Variants in LRRFIP1 observed in about 807,000 individuals in gnomAD.
The protein encoded by LRRFIP1 is leucine-rich repeat flightless-interacting protein 1.
A neutral mutation model predicts 104.4 loss-of-function variants in LRRFIP1; 62 were observed. That is an observed-to-expected ratio of 0.59 (90% CI 0.48 to 0.73). The LOEUF is 0.73. LRRFIP1 is among the 30% of genes least tolerant of loss of function. The pLI is 0.00. For missense variants in LRRFIP1, 796 were observed against 824.5 expected (o/e 0.97, Z 0.42); for synonymous variants, 300 against 299.0 (o/e 1.00, Z -0.03).
intron 1 of LRRFIP1, among the ~76,000 whole-genome samples, chr2:237,647,500 C>G (rs2085118575): frequency 6.6e-6 from 1 of 152,068 alleles, no homozygotes; most frequent in South Asian, 2.1e-4. Context: ...GAGGGTGTCC[C>G]TTCCCTCAGA....
chr2:237,630,873 G>A (rs552000929), intron 1 of LRRFIP1, among the ~76,000 whole-genome samples: 3 of 152,324 alleles, frequency 2.0e-5, no homozygotes, highest in South Asian at 4.1e-4. Context: ...TGGCTTTCCC[G>A]GGCTGCCACT....
chr2:237,682,343 CTG>C (rs751424540), intron 1 of LRRFIP1, among the ~76,000 whole-genome samples: 2 of 152,234 alleles, frequency 1.3e-5, no homozygotes, highest in East Asian at 3.8e-4. Flanking sequence ...TGTCTGCTGG[CTG>C]TCTCTCTCCC....
At chr2:237,747,596 C>T (rs993173019) in intron 11 of LRRFIP1, among the ~76,000 whole-genome samples, 4 of 152,188 alleles carry the variant, frequency 2.6e-5, no homozygotes, top group East Asian at 3.9e-4. Context: ...GAGCTCACAA[C>T]GGTGACTGCA....
intron 10 of LRRFIP1, among the ~76,000 whole-genome samples, chr2:237,738,719 C>G (rs2095328186): frequency 6.6e-6 from 1 of 152,206 alleles, no homozygotes; most frequent in African/African-American, 2.4e-5. Flanking sequence ...AGCAACCACC[C>G]AGGTAGAAGG....
At chr2:237,694,512 A>G (rs980635258) in intron 1 of LRRFIP1, among the ~76,000 whole-genome samples, 1 of 152,202 alleles carries the variant, frequency 6.6e-6, no homozygotes, top group African/African-American at 2.4e-5. Flanking sequence ...GCCCTGGGCC[A>G]TGGGCTGGGT....
rs74001227 is a variant in LRRFIP1, at chr2:237,662,285, T to A, written c.96+34545T>A. On this transcript the variant is annotated intron_variant, in intron 1 of 23. Coordinates refer to ENST00000308482, the MANE Select transcript of LRRFIP1 (RefSeq NM_001137550.2). ...GTCATTGAATGAGGGCCCACCCTAA[T>A]CTAGTACGACCTCATCTTAACTTGA... 9.2e-3 allele frequency among the ~76,000 whole-genome samples: 1,399 copies of A among 152,290 alleles called. 14 individuals carry two copies. Among genetic ancestry groups the A allele is most frequent in the African/African-American group, 0.032 (1,324 of 41,550 alleles).
intron 1 of LRRFIP1, among the ~76,000 whole-genome samples, chr2:237,651,247 A>C (rs889852712): frequency 2.6e-5 from 4 of 152,126 alleles, no homozygotes; most frequent in Non-Finnish European, 5.9e-5. Context: ...GTCTTTGCTC[A>C]CAGTATTTTG....
intron 1 of LRRFIP1, among the ~76,000 whole-genome samples, chr2:237,660,661 T>C (rs553967045): frequency 6.6e-6 from 1 of 152,324 alleles, no homozygotes; most frequent in South Asian, 2.1e-4. Flanking sequence ...CAGAAAAATG[T>C]GGAAACAAAC....
intron 1 of LRRFIP1, among the ~76,000 whole-genome samples, chr2:237,647,894 A>C (rs550824947): frequency 5.2e-4 from 79 of 152,202 alleles, no homozygotes; most frequent in Non-Finnish European, 9.0e-4. Context: ...TTCCATGAGA[A>C]GTGGAGGCTG....
chr2:237,721,076 C>T lies in LRRFIP1; in HGVS notation c.345+254C>T, dbSNP rs575660862. On this transcript the variant is annotated intron_variant, in intron 6 of 23. Coordinates refer to ENST00000308482, the MANE Select transcript of LRRFIP1 (RefSeq NM_001137550.2). ...AAGTCATCTTTTTTTCAATACTTAT[C>T]CACATCACAAAGCTCCCAAGCCTTG... The T allele has an allele frequency of 9.6e-4, 424 of 442,614 alleles. 8 individuals are homozygous for T. The South Asian group carries it at 0.011, about 12-fold the overall frequency. 27.4% of individuals were successfully genotyped at this position (442,614 alleles called of 1,614,324 possible). A position where few individuals can be genotyped will look rare whatever the true frequency, so the allele number is the denominator to read the frequency against.
At position 237,750,318 on chromosome 2, in the gene LRRFIP1, C is replaced by CT. The variant is rs1427206040; in HGVS notation, c.796-879dup. On this transcript the variant is annotated intron_variant, in intron 13 of 23. Coordinates refer to ENST00000308482, the MANE Select transcript of LRRFIP1 (RefSeq NM_001137550.2). Reference sequence around the variant, plus strand: ...TTTTTTTTCCTTTTTCTTTTCTTTTCTTTCTTTCTTTTTTTTTTTTTTTTT... The same window carrying CT: ...TTTTTTTTCCTTTTTCTTTTCTTTTCTTTTCTTTCTTTTTTTTTTTTTTTTT... Among the ~76,000 whole-genome samples the CT allele has an allele frequency of 4.1e-5, 5 of 121,092 alleles. No individual in the cohort carries two copies. In the South Asian group the frequency reaches 8.2e-4, roughly 20 times the overall value. The allele number at this position is 121,092 out of a possible 152,430, so 79.4% of individuals were successfully genotyped here.
intron 1 of LRRFIP1, among the ~76,000 whole-genome samples, chr2:237,690,675 C>T (rs995658084): frequency 4.3e-4 from 65 of 149,854 alleles, no homozygotes; most frequent in South Asian, 4.0e-3. Flanking sequence ...AGGCAGAGGT[C>T]GCGGTGAGCC....
rs73099024 is a variant in LRRFIP1, at chr2:237,703,257, C to G, written c.97-5287C>G. On this transcript the variant is annotated intron_variant, in intron 1 of 23. Transcript: ENST00000308482. This position sits in a 1 kb window ranked among gnomAD's most constrained non-coding sequence, Gnocchi z 4.3. ...TGCAGTTTTTGCTTTGTATCCTAAA[C>G]TCCACAGGCCCGAACCCTGGCACTG... 1.3e-5 allele frequency among the ~76,000 whole-genome samples: 2 copies of G among 152,134 alleles called. No homozygotes were observed. Among genetic ancestry groups the G allele is most frequent in the African/African-American group, 2.4e-5 (1 of 41,412 alleles).
At chr2:237,731,444 A>G (rs748121033) in intron 8 of LRRFIP1, among the ~76,000 whole-genome samples, 8 of 151,752 alleles carry the variant, frequency 5.3e-5, no homozygotes, top group Non-Finnish European at 1.0e-4. Flanking sequence ...CCCTTCCCAT[A>G]GTCCCCCAGT....
chr2:237,726,513 T>C (rs889758693), intron 7 of LRRFIP1, among the ~76,000 whole-genome samples: 8 of 152,254 alleles, frequency 5.3e-5, no homozygotes, highest in African/African-American at 1.9e-4. Flanking sequence ...GGCACTGTTC[T>C]AGGTGCTTGA....
intron 1 of LRRFIP1, among the ~76,000 whole-genome samples, chr2:237,645,704 A>G (rs1409043331): frequency 1.3e-5 from 2 of 152,008 alleles, no homozygotes; most frequent in South Asian, 2.1e-4. Flanking sequence ...TCCTAACTCA[A>G]TGTCACTCTT....
chr2:237,659,817 T>G (rs1488524656), intron 1 of LRRFIP1, among the ~76,000 whole-genome samples: 2 of 151,846 alleles, frequency 1.3e-5, no homozygotes, highest in Admixed American at 1.3e-4. Flanking sequence ...ATTTTCCTTT[T>G]TTGTAGAGAT....
chr2:237,639,032 C>T (rs923948851), intron 1 of LRRFIP1, among the ~76,000 whole-genome samples: 2 of 152,180 alleles, frequency 1.3e-5, no homozygotes, highest in African/African-American at 4.8e-5. Context: ...GGAATGCTAT[C>T]GTGTGGGGCA....
At chr2:237,637,329 G>A (rs1446569416) in intron 1 of LRRFIP1, among the ~76,000 whole-genome samples, 1 of 152,136 alleles carries the variant, frequency 6.6e-6, no homozygotes, top group African/African-American at 2.4e-5. Flanking sequence ...TTAGCCAGAT[G>A]TGGTGGCTTG....
Sources: allele counts gnomAD v4.1 joint callset (sites outside exome capture counted in the v4.1 genomes callset), GRCh38; gene constraint gnomAD v4.1.1; non-coding constraint Gnocchi (gnomAD v3.1); transcripts MANE v1.5; gene names NCBI Gene and HGNC (gene_info 2026-07-23, HGNC 2026-07-21).